The following MYL9 variants were observed in gnomAD, a reference collection of about 807,000 sequenced individuals.
MYL9 encodes myosin light chain 9.
A neutral mutation model predicts 12.8 loss-of-function variants in MYL9; 7 were observed. The ratio of observed to expected loss-of-function variants is 0.55; its 90% CI spans 0.31 to 1.03. The LOEUF (loss-of-function observed/expected upper bound fraction) is 1.03, where lower values mean the gene tolerates loss of function less well. MYL9 is among the 50% of genes least tolerant of loss of function. The probability of loss-of-function intolerance (pLI) is 0.05; values close to 1 mark genes in which losing one functional copy is unlikely to be tolerated. For synonymous variants in MYL9, 81 were observed against 87.8 expected (o/e 0.92, Z 0.43); for missense variants, 190 against 242.7 (o/e 0.78, Z 1.44).
Position 36,549,328 on chromosome 20 carries a change from C to A in MYL9, c.*79C>A. On this transcript the variant is annotated 3_prime_UTR_variant, in exon 4 of 4. Coordinates refer to ENST00000279022, the MANE Select transcript of MYL9 (RefSeq NM_006097.5). ...CACCCGTCCATACCAGCTCCCTGCCCATGACCCTCGCTCAGGGATCCCCCT... is the reference window on the plus strand; with the variant it reads ...CACCCGTCCATACCAGCTCCCTGCCAATGACCCTCGCTCAGGGATCCCCCT... The A allele has an allele frequency of 7.9e-7, 1 of 1,271,280 alleles. No homozygotes were observed. Among genetic ancestry groups the A allele is most frequent in the Non-Finnish European group, 1.1e-6 (1 of 915,950 alleles). 78.7% of individuals were successfully genotyped at this position (1,271,280 alleles called of 1,614,324 possible). A position where few individuals can be genotyped will look rare whatever the true frequency, so the allele number is the denominator to read the frequency against.
rs1600751035 is a variant in MYL9, at chr20:36,550,337, T to C, written c.*1088T>C. On this transcript the variant is annotated 3_prime_UTR_variant, in exon 4 of 4. Transcript: ENST00000279022. Reference sequence around the variant, plus strand: ...ACAGCATGGGGGCCACAGCTTTCCATGTCCCTGTGTACGCAGGGCAGGCAG... The same window carrying C: ...ACAGCATGGGGGCCACAGCTTTCCACGTCCCTGTGTACGCAGGGCAGGCAG... 1 of 152,266 alleles carries C rather than the reference T, an allele frequency of 6.6e-6. No individual in the cohort carries two copies. The highest frequency in any genetic ancestry group is 1.5e-5 in the Non-Finnish European group (1 of 68,134). The allele number at this position is 152,266 out of a possible 1,614,324, so 9.4% of individuals were successfully genotyped here.
At chr20:36,544,712 CT>C in intron 1 of MYL9, 146 bp from the exon 2 acceptor site, 1 of 628,174 alleles carries the variant, frequency 1.6e-6, no homozygotes, top group Middle Eastern at 4.4e-4. Flanking sequence ...CACTTGTCTG[CT>C]TTTGTGAAGA....
intron 1 of MYL9, among the ~76,000 whole-genome samples, chr20:36,542,345 G>A (rs2038047092): frequency 2.0e-5 from 3 of 152,102 alleles, no homozygotes; most frequent in Non-Finnish European, 4.4e-5. Flanking sequence ...TGGGGGCACT[G>A]CCCTGTGCTG....
chr20:36,548,296 A>C, intron 3 of MYL9, 103 bp downstream of exon 3: 1 of 1,412,474 alleles, frequency 7.1e-7, no homozygotes, highest in Non-Finnish European at 9.4e-7. Context: ...CCCATCTCCC[A>C]GGTTCTGTCA....
chr20:36,546,545 C>T lies in MYL9; in HGVS notation c.184+1477C>T, dbSNP rs1007620005. Among the ~76,000 whole-genome samples, 16 of 152,176 alleles carry T rather than the reference C, an allele frequency of 1.1e-4. 1 individual carries two copies. The South Asian group carries it at 1.4e-3, about 14-fold the overall frequency. Reference sequence around the variant, plus strand: ...CGGCCCTGAGCACCAAACCTCTCCCCGCTTCTGGCCAGGCTCGCTTGAAGG... The same window carrying T: ...CGGCCCTGAGCACCAAACCTCTCCCTGCTTCTGGCCAGGCTCGCTTGAAGG... On this transcript the variant is annotated intron_variant, in intron 2 of 3. Transcript: ENST00000279022.
intron 3 of MYL9, 126 bp downstream of exon 3, chr20:36,548,319 A>C: frequency 1.6e-6 from 2 of 1,272,204 alleles, no homozygotes; most frequent in Non-Finnish European, 2.1e-6. Flanking sequence ...AGAACTATAA[A>C]AGCCAGGCCA....
chr20:36,545,358 G>A (rs541440619), intron 2 of MYL9, among the ~76,000 whole-genome samples: 27 of 152,066 alleles, frequency 1.8e-4, no homozygotes, highest in East Asian at 1.9e-4. Flanking sequence ...TTAGCCGAGC[G>A]TGGTGGCGGG....
At position 36,545,207 on chromosome 20, in the gene MYL9, G is replaced by GCCC. The variant is rs1250166008; in HGVS notation, c.184+139_184+140insCCC. ...TGCCATTAACTTAGTCCATTCAACAGGGAAACTGGGCCGGGCGCGGTGGCT... is the reference window on the plus strand; with the variant it reads ...TGCCATTAACTTAGTCCATTCAACAGCCCGGAAACTGGGCCGGGCGCGGTGGCT... On this transcript the variant is annotated intron_variant, in intron 2 of 3. Transcript: ENST00000279022. 1.7e-4 allele frequency: 182 copies of GCCC among 1,053,602 alleles called. 1 individual carries two copies. In the East Asian group the frequency reaches 4.7e-3, roughly 27 times the overall value. The allele number at this position is 1,053,602 out of a possible 1,614,324, so 65.3% of individuals were successfully genotyped here. A position where few individuals can be genotyped will look rare whatever the true frequency, so the allele number is the denominator to read the frequency against.
intron 2 of MYL9, among the ~76,000 whole-genome samples, chr20:36,547,003 C>T (rs1012297711): frequency 6.6e-6 from 1 of 152,322 alleles, no homozygotes; most frequent in Non-Finnish European, 1.5e-5. Flanking sequence ...GTCACAGCTC[C>T]TCTTGGGCCT....
At position 36,550,210 on chromosome 20, in the gene MYL9, C is replaced by T. The variant is rs1048562134; in HGVS notation, c.*961C>T. The T allele has an allele frequency of 9.8e-5, 15 of 152,486 alleles. No individual in the cohort carries two copies. Among genetic ancestry groups the T allele is most frequent in the African/African-American group, 3.6e-4 (15 of 41,422 alleles). 9.4% of individuals were successfully genotyped at this position (152,486 alleles called of 1,614,324 possible). A position where few individuals can be genotyped will look rare whatever the true frequency, so the allele number is the denominator to read the frequency against. Reference sequence around the variant, plus strand: ...GGGTTCCAGAAGAACAGGGAGGCTCCAACAGTGATGAGGCAGGCGTCCCAG... The same window carrying T: ...GGGTTCCAGAAGAACAGGGAGGCTCTAACAGTGATGAGGCAGGCGTCCCAG... On this transcript the variant is annotated 3_prime_UTR_variant, in exon 4 of 4. Coordinates refer to ENST00000279022, the MANE Select transcript of MYL9 (RefSeq NM_006097.5).
intron 2 of MYL9, among the ~76,000 whole-genome samples, chr20:36,546,372 C>T (rs1315638119): frequency 6.6e-6 from 1 of 152,200 alleles, no homozygotes; most frequent in African/African-American, 2.4e-5. Context: ...AAGCCTCGAG[C>T]TTTGAGGCCA....
Position 36,545,056 on chromosome 20 carries a change from C to T in MYL9, c.172C>T (p.Leu58=), listed in dbSNP as rs747074701. ...TGACAAGGAGGACCTGCACGACATGCTGGCCTCGCTGGGTGAGCTGGGACA... is the reference window on the plus strand; with the variant it reads ...TGACAAGGAGGACCTGCACGACATGTTGGCCTCGCTGGGTGAGCTGGGACA... ...FIDKEDLHDM[L]ASLGKNPTDE... The change falls in exon 2 of 4, where the codon CTG becomes TTG. Residue 58 remains leucine (L), a synonymous_variant. Coordinates refer to ENST00000279022, the MANE Select transcript of MYL9 (RefSeq NM_006097.5). 31 of 1,613,794 alleles carry T rather than the reference C, an allele frequency of 1.9e-5. No individual in the cohort carries two copies. Among genetic ancestry groups the T allele is most frequent in the Non-Finnish European group, 2.6e-5 (31 of 1,179,854 alleles).
At chr20:36,545,224 G>A (rs535939983) in intron 2 of MYL9, among the ~76,000 whole-genome samples, 156 bp downstream of exon 2, 39 of 152,324 alleles carry the variant, frequency 2.6e-4, no homozygotes, top group South Asian at 1.2e-3. Flanking sequence ...TGGGCCGGGC[G>A]CGGTGGCTCA....
At chr20:36,547,119 CCT>C (rs1462856656) in intron 2 of MYL9, among the ~76,000 whole-genome samples, 2 of 152,158 alleles carry the variant, frequency 1.3e-5, no homozygotes, top group African/African-American at 2.4e-5. Context: ...CCCCTGAACC[CCT>C]GAGACTTCAT....
At chr20:36,545,245 C>T (rs1020375332) in intron 2 of MYL9, among the ~76,000 whole-genome samples, 177 bp downstream of exon 2, 3 of 152,154 alleles carry the variant, frequency 2.0e-5, no homozygotes, top group Non-Finnish European at 2.9e-5. Context: ...CGCCTGTAAT[C>T]CCAGCACTTT....
At chr20:36,545,102 G>A in intron 2 of MYL9, 34 bp downstream of exon 2, 1 of 1,607,734 alleles carries the variant, frequency 6.2e-7, no homozygotes, top group Non-Finnish European at 8.5e-7. Flanking sequence ...TGAGATGGAT[G>A]AGGCCAGGCA....
chr20:36,549,427 T>C lies in MYL9; in HGVS notation c.*178T>C. On this transcript the variant is annotated 3_prime_UTR_variant, in exon 4 of 4. Transcript: ENST00000279022. ...AGTGCGTGCCGAGCTGAGGCAGATGTTCCCACAGTGACCCCAGAGCCCTGG... is the reference window on the plus strand; with the variant it reads ...AGTGCGTGCCGAGCTGAGGCAGATGCTCCCACAGTGACCCCAGAGCCCTGG... 1.6e-6 allele frequency: 1 copy of C among 612,582 alleles called. No homozygotes were observed. The highest frequency in any genetic ancestry group is 2.8e-6 in the Non-Finnish European group (1 of 351,414). The allele number at this position is 612,582 out of a possible 1,614,324, so 37.9% of individuals were successfully genotyped here.
rs2038079711 is a variant in MYL9 at position 36,545,143 on chromosome 20, T to G, written c.184+75T>G. On this transcript the variant is annotated intron_variant, in intron 2 of 3. Coordinates refer to ENST00000279022, the MANE Select transcript of MYL9 (RefSeq NM_006097.5). Reference sequence around the variant, plus strand: ...TGCCAATCATTTACAGGGCACCTCCTGTGTAGTGAGACGCGTGGTGTCCAC... The same window carrying G: ...TGCCAATCATTTACAGGGCACCTCCGGTGTAGTGAGACGCGTGGTGTCCAC... The G allele has an allele frequency of 1.1e-5, 17 of 1,512,738 alleles. No individual in the cohort carries two copies. In the South Asian group the frequency reaches 2.0e-4, roughly 18 times the overall value. 93.7% of individuals were successfully genotyped at this position (1,512,738 alleles called of 1,614,324 possible).
At position 36,549,770 on chromosome 20, in the gene MYL9, G is replaced by A. The variant is rs116221637; in HGVS notation, c.*521G>A. On this transcript the variant is annotated 3_prime_UTR_variant, in exon 4 of 4. Transcript: ENST00000279022. ...AGTGTGCTCAGGAGTCGCGGGCAGCGTGGACATCTGTCCCAGAGGGGGCAG... is the reference window on the plus strand; with the variant it reads ...AGTGTGCTCAGGAGTCGCGGGCAGCATGGACATCTGTCCCAGAGGGGGCAG... The A allele has an allele frequency of 2.1e-3, 328 of 157,490 alleles. 1 individual carries two copies. Among genetic ancestry groups the A allele is most frequent in the African/African-American group, 6.6e-3 (276 of 41,620 alleles). The allele number at this position is 157,490 out of a possible 1,614,324, so 9.8% of individuals were successfully genotyped here.
Sources: allele counts gnomAD v4.1 joint callset (sites outside exome capture counted in the v4.1 genomes callset), GRCh38; gene constraint gnomAD v4.1.1; transcripts MANE v1.5; gene names NCBI Gene and HGNC (gene_info 2026-07-23, HGNC 2026-07-21).